The following FRZB variants were observed in gnomAD, a reference collection of about 807,000 sequenced individuals.
FRZB encodes secreted frizzled-related protein 3.
In FRZB, 34 loss-of-function variants were observed where a neutral mutation model predicts 32.5. The observed-to-expected ratio is 1.05, with a 90% CI of 0.80 to 1.39. The LOEUF (loss-of-function observed/expected upper bound fraction) is 1.39. Ranked by LOEUF, FRZB falls within the 40% of genes most tolerant of loss-of-function variation. The pLI, the probability that FRZB is intolerant of heterozygous loss-of-function variation, is 0.00. For missense variants in FRZB, 423 were observed against 424.8 expected (o/e 1.00, Z 0.04); for synonymous variants, 170 against 159.2 (o/e 1.07, Z -0.51).
At position 182,857,060 on chromosome 2, in the gene FRZB, G is replaced by C. The variant is rs111641599; in HGVS notation, c.526+1726C>G. ...CCAAGACAGATTATATCCTGGATCA[G>C]AGAATAAACCTTAATAAATCTAAAA... On this transcript the variant is annotated intron_variant, in intron 2 of 5. Coordinates refer to ENST00000295113, the MANE Select transcript of FRZB (RefSeq NM_001463.4). Among the ~76,000 whole-genome samples the C allele has an allele frequency of 3.9e-5, 6 of 152,056 alleles. 1 individual carries two copies. The highest frequency in any genetic ancestry group is 1.4e-4 in the African/African-American group (6 of 41,502).
intron 2 of FRZB, among the ~76,000 whole-genome samples, chr2:182,856,050 G>A (rs1031757654): frequency 6.6e-6 from 1 of 151,926 alleles, no homozygotes; most frequent in African/African-American, 2.4e-5. Context: ...ATATCCTTTA[G>A]GAATGAAGGT....
chr2:182,858,638 A>C (rs1016195926), intron 2 of FRZB, 148 bp downstream of exon 2: 1 of 532,594 alleles, frequency 1.9e-6, no homozygotes, highest in Non-Finnish European at 3.2e-6. Flanking sequence ...TAATTTTAAA[A>C]ATAAAATTAA....
intron 3 of FRZB, among the ~76,000 whole-genome samples, chr2:182,839,378 G>T (rs1310909166): frequency 4.0e-5 from 6 of 151,704 alleles, no homozygotes; most frequent in African/African-American, 1.5e-4. Flanking sequence ...AATAAAAATG[G>T]TCACCACTAG....
chr2:182,852,689 T>C (rs76627457), intron 2 of FRZB, among the ~76,000 whole-genome samples: 5,738 of 152,266 alleles, frequency 0.038, 274 homozygotes, highest in African/African-American at 0.12. Context: ...AATATCTGCT[T>C]TAATTTTCTG....
chr2:182,862,721 T>G (rs968873551), intron 1 of FRZB, among the ~76,000 whole-genome samples: 4 of 152,188 alleles, frequency 2.6e-5, no homozygotes, highest in African/African-American at 9.7e-5. Context: ...CAGTGCTTAC[T>G]AAGTACTAAA....
chr2:182,859,098 A>C (rs958220583), intron 1 of FRZB, among the ~76,000 whole-genome samples: 22 of 152,120 alleles, frequency 1.4e-4, no homozygotes, highest in Non-Finnish European at 1.2e-4. Context: ...AATTTATTTG[A>C]ATTTCACAAA....
chr2:182,835,079 CT>C, intron 5 of FRZB, 114 bp from the exon 6 acceptor site: 2 of 752,600 alleles, frequency 2.7e-6, no homozygotes, highest in South Asian at 3.3e-5. Context: ...CATTTTGCTA[CT>C]TTTCCAAAAG....
At position 182,866,429 on chromosome 2, in the gene FRZB, G is replaced by A. The variant is rs763798577; in HGVS notation, c.124C>T (p.Leu42=). ...AAACEPVRIP[L]CKSLPWNMTK... ...ATGTTCCAGGGCAGGGACTTGCACA[G>A]GGGGATGCGGACGGGCTCACAGGCT... is the stretch of plus-strand genomic sequence containing the variant. Residue 42 remains leucine (L), a synonymous_variant, in exon 1 of 6, where the codon CTG becomes TTG. Coordinates refer to ENST00000295113, the MANE Select transcript of FRZB (RefSeq NM_001463.4). The surrounding 1 kb of genome is among the most constrained non-coding windows in gnomAD (Gnocchi z 4.5). 1 of 1,599,510 alleles carries A rather than the reference G, an allele frequency of 6.3e-7. No homozygotes were observed. The highest frequency in any genetic ancestry group is 1.7e-5 in the Admixed American group (1 of 59,458).
In FRZB at chr2:182,866,074, C is replaced by A; in HGVS notation, c.478+1G>T. On this transcript the variant is annotated splice_donor_variant, in intron 1 of 5. Transcript: ENST00000295113. LOFTEE classifies it high-confidence loss of function. This position sits in a 1 kb window ranked among gnomAD's most constrained non-coding sequence, Gnocchi z 4.5. The stretch of plus-strand genomic sequence containing the variant: ...GAAGGGTGGGCCGTGTCAAAACTCA[C>A]CAGCTCCGTCCGCAGTAACGATGGC... 1 of 1,604,400 alleles carries A rather than the reference C, an allele frequency of 6.2e-7. No homozygotes were observed. Among genetic ancestry groups the A allele is most frequent in the Non-Finnish European group, 8.5e-7 (1 of 1,173,354 alleles).
At chr2:182,856,543 T>G (rs1161197796) in intron 2 of FRZB, among the ~76,000 whole-genome samples, 1 of 152,082 alleles carries the variant, frequency 6.6e-6, no homozygotes, top group Admixed American at 6.5e-5. Flanking sequence ...GTATGGATTT[T>G]TTTAAAAAGA....
intron 2 of FRZB, 71 bp downstream of exon 2, chr2:182,858,715 T>G: frequency 8.8e-7 from 1 of 1,134,086 alleles, no homozygotes; most frequent in Non-Finnish European, 1.3e-6. Flanking sequence ...CATGAATGAC[T>G]TAAGTATCTA....
intron 2 of FRZB, among the ~76,000 whole-genome samples, chr2:182,848,947 C>T (rs1261288650): frequency 2.6e-5 from 4 of 152,056 alleles, no homozygotes; most frequent in Non-Finnish European, 4.4e-5. Context: ...GTTCTTTAGG[C>T]CGGGGTGCGG....
At chr2:182,851,929 A>G (rs2105759458) in intron 2 of FRZB, among the ~76,000 whole-genome samples, 1 of 152,320 alleles carries the variant, frequency 6.6e-6, no homozygotes, top group Non-Finnish European at 1.5e-5. Context: ...GAGAAGAACT[A>G]GGACAATTTG....
chr2:182,837,219 T>A (rs189083247), intron 5 of FRZB, among the ~76,000 whole-genome samples: 34 of 152,010 alleles, frequency 2.2e-4, no homozygotes, highest in African/African-American at 6.3e-4. Context: ...TATGTGATTT[T>A]AAAAAATGTA....
chr2:182,839,057 C>T (rs571874719), intron 3 of FRZB, among the ~76,000 whole-genome samples: 189 of 152,164 alleles, frequency 1.2e-3, no homozygotes, highest in African/African-American at 4.4e-3. Flanking sequence ...ATGCTTTATT[C>T]CTTGTCGACA....
chr2:182,866,245 T>G lies in FRZB; in HGVS notation c.308A>C (p.Glu103Ala), dbSNP rs1367239980. Residue 103 changes from glutamate to alanine, a missense_variant, in exon 1 of 6, where the codon GAG becomes GCG. Physicochemically the swap from Glu to Ala is moderately radical, Grantham distance 107 (BLOSUM62 -1). Coordinates refer to ENST00000295113, the MANE Select transcript of FRZB (RefSeq NM_001463.4). This position sits in a 1 kb window ranked among gnomAD's most constrained non-coding sequence, Gnocchi z 4.5. ...CACAGACTTACAGGGCTTGATGGGCTCGTGCTGGAAGTCAATGGTGCAGAT... is the reference window on the plus strand; with the variant it reads ...CACAGACTTACAGGGCTTGATGGGCGCGTGCTGGAAGTCAATGGTGCAGAT... Reference protein sequence around the residue: ...APICTIDFQHEPIKPCKSVCE... With the variant: ...APICTIDFQHAPIKPCKSVCE... 1.2e-5 allele frequency: 19 copies of G among 1,614,148 alleles called. No homozygotes were observed. Among genetic ancestry groups the G allele is most frequent in the Non-Finnish European group, 1.5e-5 (18 of 1,180,028 alleles).
chr2:182,837,580 CCAT>C (rs1695541831), intron 5 of FRZB, among the ~76,000 whole-genome samples: 1 of 151,942 alleles, frequency 6.6e-6, no homozygotes, highest in Non-Finnish European at 1.5e-5. Flanking sequence ...GGCAGAGCAG[CCAT>C]CTTGTGACCT....
At chr2:182,838,657 A>G in intron 3 of FRZB, 44 bp from the exon 4 acceptor site, 1 of 1,517,794 alleles carries the variant, frequency 6.6e-7, no homozygotes, top group Non-Finnish European at 9.1e-7. Flanking sequence ...ATGACACATA[A>G]TAGCTACCCC....
chr2:182,858,773 A>G lies in FRZB; in HGVS notation c.526+13T>C. The G allele has an allele frequency of 6.3e-7, 1 of 1,597,844 alleles. No individual in the cohort carries two copies. The highest frequency in any genetic ancestry group is 1.1e-5 in the South Asian group (1 of 89,760). On this transcript the variant is annotated intron_variant, in intron 2 of 5. Transcript: ENST00000295113. ...ACCACAAATGAAAACCAGGAAGATAATGATATACTCACCACTGCTTGCCCC... is the reference window on the plus strand; with the variant it reads ...ACCACAAATGAAAACCAGGAAGATAGTGATATACTCACCACTGCTTGCCCC...
Sources: allele counts gnomAD v4.1 joint callset (sites outside exome capture counted in the v4.1 genomes callset), GRCh38; gene constraint gnomAD v4.1.1; non-coding constraint Gnocchi (gnomAD v3.1); transcripts MANE v1.5; gene names NCBI Gene and HGNC (gene_info 2026-07-23, HGNC 2026-07-21).